Variants in WDR1 observed in about 807,000 individuals in gnomAD.
WDR1 encodes WD repeat-containing protein 1.
WDR1 carries 21 observed loss-of-function variants against 71.9 expected under a neutral mutation model. The observed-to-expected ratio is 0.29, with a 90% CI of 0.21 to 0.42. The LOEUF (loss-of-function observed/expected upper bound fraction) is 0.42, where lower values mean the gene tolerates loss of function less well. Among genes scored for constraint, WDR1 ranks in the 10% least tolerant of loss-of-function variants. The pLI is 1.00. For missense variants in WDR1, 696 were observed against 824.5 expected, an observed-to-expected ratio of 0.84 and a Z score of 1.91; for synonymous variants, 424 against 347.4, an observed-to-expected ratio of 1.22 and a Z score of -2.45.
chr4:10,085,828 C>G (rs1327509328), intron 8 of WDR1, among the ~76,000 whole-genome samples: 1 of 152,216 alleles, frequency 6.6e-6, no homozygotes, highest in African/African-American at 2.4e-5. Flanking sequence ...CAGCCCAGAT[C>G]AGCACCGAAC....
At chr4:10,116,403 C>A (rs1038455277) in intron 1 of WDR1, 169 bp from the exon 2 acceptor site, 216 of 1,085,768 alleles carry the variant, frequency 2.0e-4, no homozygotes, top group Non-Finnish European at 2.6e-4. Context: ...CTGGTCCGCG[C>A]CCCGGGCCAG....
rs1259291001 is a variant in WDR1, at chr4:10,113,506, C to T, written c.138+2607G>A. 7.9e-5 allele frequency among the ~76,000 whole-genome samples: 12 copies of T among 152,210 alleles called. 1 individual carries two copies. The highest frequency in any genetic ancestry group is 1.5e-4 in the Non-Finnish European group (10 of 68,048). ...AGCAAGGAGGCAAGAACGCTGGAGC[C>T]GAGGCCACGGTAAGGACTCTGGCTT... On this transcript the variant is annotated intron_variant, in intron 2 of 14. Transcript: ENST00000499869.
At chr4:10,115,986 G>A (rs1713694618) in intron 2 of WDR1, 127 bp downstream of exon 2, 7 of 1,326,316 alleles carry the variant, frequency 5.3e-6, no homozygotes, top group African/African-American at 1.5e-5. Context: ...GCTCCCGGTA[G>A]AGGGGGCGTG....
intron 2 of WDR1, among the ~76,000 whole-genome samples, chr4:10,107,631 C>T (rs1284480744): frequency 6.6e-6 from 1 of 152,166 alleles, no homozygotes; most frequent in African/African-American, 2.4e-5. Context: ...CAGACCCCTT[C>T]CCCAGTGGCC....
intron 2 of WDR1, among the ~76,000 whole-genome samples, chr4:10,104,972 C>T (rs1282815860): frequency 6.6e-6 from 1 of 151,986 alleles, no homozygotes; most frequent in South Asian, 2.1e-4. Context: ...ACCTGAGGGG[C>T]CCCCATCTCA....
intron 5 of WDR1, 103 bp downstream of exon 5, chr4:10,097,608 G>T: frequency 7.4e-7 from 1 of 1,345,316 alleles, no homozygotes; most frequent in Admixed American, 2.3e-5. Context: ...CATGGCATAC[G>T]TGGCATGTGC....
At chr4:10,102,624 G>A (rs761397120) in intron 3 of WDR1, among the ~76,000 whole-genome samples, 1 of 152,210 alleles carries the variant, frequency 6.6e-6, no homozygotes, top group Non-Finnish European at 1.5e-5. Context: ...ATTTGTGTTA[G>A]TCGTAAATTA....
At chr4:10,091,475 CAGG>C (rs960581795) in intron 5 of WDR1, 1 of 152,272 alleles carries the variant, frequency 6.6e-6, no homozygotes, top group East Asian at 1.9e-4. Context: ...AAATTCTTCA[CAGG>C]AGAACACCAG....
intron 2 of WDR1, 93 bp from the exon 3 acceptor site, chr4:10,104,079 T>C: frequency 1.5e-6 from 2 of 1,319,092 alleles, no homozygotes; most frequent in South Asian, 2.5e-5. Flanking sequence ...GAAAGGGGTG[T>C]ACAAAGAAAC....
chr4:10,099,224 G>C, intron 3 of WDR1, 85 bp from the exon 4 acceptor site: 1 of 1,221,478 alleles, frequency 8.2e-7, no homozygotes. Context: ...TGCCGGGCCA[G>C]GGCCACGTGG....
chr4:10,116,714 C>A lies in WDR1; in HGVS notation c.-48G>T. The A allele has an allele frequency of 7.6e-7, 1 of 1,321,176 alleles. No homozygotes were observed. 81.8% of individuals were successfully genotyped at this position (1,321,176 alleles called of 1,614,324 possible). A position where few individuals can be genotyped will look rare whatever the true frequency, so the allele number is the denominator to read the frequency against. On this transcript the variant is annotated 5_prime_UTR_variant, in exon 1 of 15. Coordinates refer to ENST00000499869, the MANE Select transcript of WDR1 (RefSeq NM_017491.5). ...CGCGCTCGCCGAGAGCCTCCGGGGC[C>A]GGCCCGCGCTGCGAATTACACCTCG... is the stretch of plus-strand genomic sequence containing the variant.
intron 5 of WDR1, 80 bp from the exon 6 acceptor site, chr4:10,088,821 C>G: frequency 9.2e-7 from 1 of 1,084,010 alleles, no homozygotes; most frequent in South Asian, 1.3e-5. Flanking sequence ...TGAAACACAG[C>G]TTGCAGCTCC....
chr4:10,114,592 A>G (rs1032379703), intron 2 of WDR1, among the ~76,000 whole-genome samples: 5 of 152,252 alleles, frequency 3.3e-5, no homozygotes, highest in African/African-American at 1.2e-4. Flanking sequence ...ACTGCTCTGT[A>G]TCCGAGGACG....
intron 3 of WDR1, 38 bp from the exon 4 acceptor site, chr4:10,099,177 T>TG: frequency 1.1e-5 from 4 of 374,340 alleles, no homozygotes; most frequent in Admixed American, 3.6e-5. Flanking sequence ...GGGGAGGCGG[T>TG]GGTGGGGTAA....
At chr4:10,095,504 C>T (rs1301928586) in intron 5 of WDR1, among the ~76,000 whole-genome samples, 1 of 152,158 alleles carries the variant, frequency 6.6e-6, no homozygotes, top group Non-Finnish European at 1.5e-5. Flanking sequence ...CCTCTCACTT[C>T]CCCCAGCCTG....
In WDR1 at chr4:10,093,049, G is replaced by A. The variant is rs200549223; in HGVS notation, c.559-4308C>T. On this transcript the variant is annotated intron_variant, in intron 5 of 14. Coordinates refer to ENST00000499869, the MANE Select transcript of WDR1 (RefSeq NM_017491.5). ...CCAATATGCTCCCTCTCACCACCGA[G>A]GAAACCGAGGCTTGAAGCACTGAGG... 106 of 1,289,292 alleles carry A rather than the reference G, an allele frequency of 8.2e-5. No individual in the cohort carries two copies. The East Asian group carries it at 2.9e-3, about 35-fold the overall frequency. 79.9% of individuals were successfully genotyped at this position (1,289,292 alleles called of 1,614,324 possible). A position where few individuals can be genotyped will look rare whatever the true frequency, so the allele number is the denominator to read the frequency against.
chr4:10,100,973 T>C (rs1578439617), intron 3 of WDR1, among the ~76,000 whole-genome samples: 1 of 152,284 alleles, frequency 6.6e-6, no homozygotes, highest in East Asian at 1.9e-4. Flanking sequence ...AAGACATTGC[T>C]CTCAGGACAA....
chr4:10,091,087 G>A (rs1164031032), intron 5 of WDR1, among the ~76,000 whole-genome samples: 1 of 152,262 alleles, frequency 6.6e-6, no homozygotes, highest in Non-Finnish European at 1.5e-5. Context: ...AGGCAAGGCA[G>A]TGCCAAACTA....
chr4:10,081,235 G>C, intron 11 of WDR1, 122 bp downstream of exon 11: 1 of 816,762 alleles, frequency 1.2e-6, no homozygotes, highest in South Asian at 1.5e-5. Flanking sequence ...TTAGTGCAGT[G>C]CAAATGAGCA....
Sources: allele counts gnomAD v4.1 joint callset (sites outside exome capture counted in the v4.1 genomes callset), GRCh38; gene constraint gnomAD v4.1.1; transcripts MANE v1.5; gene names NCBI Gene and HGNC (gene_info 2026-07-23, HGNC 2026-07-21).